Variants in PPP2R2C observed in about 807,000 individuals in gnomAD.
PPP2R2C encodes protein phosphatase 2, regulatory subunit B, gamma.
Under a neutral mutation model 45.3 loss-of-function variants are expected in PPP2R2C, and 10 were observed. The ratio of observed to expected loss-of-function variants is 0.22; its 90% confidence interval spans 0.14 to 0.37. PPP2R2C has a LOEUF of 0.37. Among genes scored for constraint, PPP2R2C ranks in the 10% least tolerant of loss-of-function variants. The pLI is 1.00. For missense variants in PPP2R2C, 308 were observed against 619.7 expected (o/e 0.50, Z 5.34); for synonymous variants, 257 against 245.4 (o/e 1.05, Z -0.44).
intron 1 of PPP2R2C, among the ~76,000 whole-genome samples, chr4:6,551,193 G>A (rs149293245): frequency 1.2e-4 from 19 of 152,304 alleles, no homozygotes; most frequent in South Asian, 4.2e-4. Flanking sequence ...TGCCTTCCAG[G>A]GGGATTGGAG....
intron 1 of PPP2R2C, among the ~76,000 whole-genome samples, chr4:6,417,653 G>A (rs974835133): frequency 3.3e-5 from 5 of 152,206 alleles, no homozygotes; most frequent in Admixed American, 6.5e-5. Flanking sequence ...GGGGGCCCCC[G>A]GGGACCCCAG....
At chr4:6,550,204 C>A (rs1473268461) in intron 1 of PPP2R2C, among the ~76,000 whole-genome samples, 1 of 152,070 alleles carries the variant, frequency 6.6e-6, no homozygotes, top group African/African-American at 2.4e-5. Flanking sequence ...TGGATGACAA[C>A]CCACCTTCTC....
chr4:6,323,307 G>C lies in PPP2R2C; in HGVS notation c.1339C>G (p.His447Asp). Residue 447 changes from histidine (H) to aspartate (D), a missense_variant, in exon 9 of 9, where the codon CAC (histidine) becomes GAC (aspartate). Transcript: ENST00000382599. ...IFQDKVNSDM[H>D] ...GGGCCGGGAACTGCACATACCTAGT[G>C]CATGTCAGAGTTTACCTTGTCCTGG... 1 of 1,599,088 alleles carries C rather than the reference G, an allele frequency of 6.3e-7. No homozygotes were observed. Among genetic ancestry groups the C allele is most frequent in the Non-Finnish European group, 8.6e-7 (1 of 1,168,128 alleles).
At chr4:6,490,925 C>T (rs193264324) in intron 2 of PPP2R2C, among the ~76,000 whole-genome samples, 1 of 152,304 alleles carries the variant, frequency 6.6e-6, no homozygotes, top group African/African-American at 2.4e-5. Flanking sequence ...GTTAAGCAAC[C>T]TCAGCCAGGT....
chr4:6,420,179 A>G (rs954136299), intron 1 of PPP2R2C, among the ~76,000 whole-genome samples: 1 of 152,156 alleles, frequency 6.6e-6, no homozygotes, highest in African/African-American at 2.4e-5. Context: ...CAACTACTCC[A>G]CATGACAGGT....
rs527669760 is a variant in PPP2R2C, at chr4:6,366,572, G to T, written c.625+5951C>A. 2.0e-5 allele frequency among the ~76,000 whole-genome samples: 3 copies of T among 152,302 alleles called. No homozygotes were observed. In the South Asian group the frequency reaches 6.2e-4, roughly 32 times the overall value. On this transcript the variant is annotated intron_variant, in intron 5 of 8. Transcript: ENST00000382599. ...AACAAAACACTCAGTGTGACCGGGG[G>T]CAGCCAAGGAGCCGCAGGCTTAGAG...
At chr4:6,410,324 G>A (rs1479576669) in intron 1 of PPP2R2C, among the ~76,000 whole-genome samples, 1 of 152,178 alleles carries the variant, frequency 6.6e-6, no homozygotes, top group Non-Finnish European at 1.5e-5. Context: ...TTAGCCCTCT[G>A]TTCCGGGTAT....
intron 2 of PPP2R2C, among the ~76,000 whole-genome samples, chr4:6,485,206 T>C (rs773619612): frequency 2.6e-5 from 4 of 151,956 alleles, no homozygotes; most frequent in Non-Finnish European, 5.9e-5. Flanking sequence ...GTAAATTACA[T>C]TGATAATTTT....
Position 6,472,216 on chromosome 4 carries a change from G to C in PPP2R2C, c.14C>G (p.Thr5Arg). MGED[T>R]DTRKINHSFL... ...GCTGTGGTTAATTTTCCGCGTGTCC[G>C]TGTCCTCGCCCATTGAAGGCCGTGC... Residue 5 changes from threonine (T) to arginine (R), a missense_variant, in exon 1 of 9, where the codon ACG becomes AGG. Physicochemically the swap from Thr to Arg is moderately conservative, Grantham distance 71. Coordinates refer to ENST00000382599, the MANE Select transcript of PPP2R2C (RefSeq NM_020416.4). 6.2e-7 allele frequency: 1 copy of C among 1,613,130 alleles called. No individual in the cohort carries two copies. Among genetic ancestry groups the C allele is most frequent in the South Asian group, 1.1e-5 (1 of 91,080 alleles).
At chr4:6,559,898 C>A (rs576302408) in intron 1 of PPP2R2C, among the ~76,000 whole-genome samples, 1 of 152,248 alleles carries the variant, frequency 6.6e-6, no homozygotes, top group African/African-American at 2.4e-5. Context: ...GCAGCCCCAA[C>A]GGACTAAGAC....
At chr4:6,558,555 T>C (rs1725486540) in intron 1 of PPP2R2C, among the ~76,000 whole-genome samples, 1 of 152,152 alleles carries the variant, frequency 6.6e-6, no homozygotes, top group Non-Finnish European at 1.5e-5. Context: ...TTCCCAATAC[T>C]CAGCCTGATC....
rs142626504 is a variant in PPP2R2C at position 6,424,036 on chromosome 4, C to T, written c.71-42942G>A. Among the ~76,000 whole-genome samples the T allele has an allele frequency of 6.9e-3, 1,047 of 152,334 alleles. 10 individuals carry two copies. The highest frequency in any genetic ancestry group is 0.023 in the African/African-American group (974 of 41,566). On this transcript the variant is annotated intron_variant, in intron 1 of 8. Transcript: ENST00000382599. ...TGCCCATGCATTCTGCCAGGGTCCC[C>T]GGCTGGAGGAAGGGCCACGGCAGAA...
At chr4:6,408,873 C>CTTTT (rs57209185) in intron 1 of PPP2R2C, among the ~76,000 whole-genome samples, 9 of 126,758 alleles carry the variant, frequency 7.1e-5, no homozygotes, top group Non-Finnish European at 6.7e-5. Flanking sequence ...GATCCTGTGG[C>CTTTT]TTTTTTTTTT....
intron 5 of PPP2R2C, among the ~76,000 whole-genome samples, chr4:6,370,020 G>T (rs1264618855): frequency 6.6e-6 from 1 of 152,218 alleles, no homozygotes; most frequent in African/African-American, 2.4e-5. Context: ...CATCCATAGT[G>T]TCACGGAATC....
chr4:6,498,078 C>G (rs191277603), intron 2 of PPP2R2C, among the ~76,000 whole-genome samples: 2 of 152,258 alleles, frequency 1.3e-5, no homozygotes, highest in African/African-American at 4.8e-5. Context: ...CAGTAAACAC[C>G]CTAGTGAAAC....
intron 3 of PPP2R2C, among the ~76,000 whole-genome samples, chr4:6,377,073 G>A (rs1419672783): frequency 6.6e-6 from 1 of 152,256 alleles, no homozygotes. Context: ...TGAGGAGGGA[G>A]TTGGCCAGGT....
chr4:6,345,336 G>A lies in PPP2R2C; in HGVS notation c.790+2510C>T, dbSNP rs6817472. Reference sequence around the variant, plus strand: ...GTGGGGGGGCAGTGTCCTGTAGTAGGCGGTGGAACGGCCCCCAGAGACGGC... The same window carrying A: ...GTGGGGGGGCAGTGTCCTGTAGTAGACGGTGGAACGGCCCCCAGAGACGGC... On this transcript the variant is annotated intron_variant, in intron 6 of 8. Coordinates refer to ENST00000382599, the MANE Select transcript of PPP2R2C (RefSeq NM_020416.4). The surrounding 1 kb of genome is among the most constrained non-coding windows in gnomAD (Gnocchi z 5.3). Among the ~76,000 whole-genome samples the A allele has an allele frequency of 9.0e-3, 1,370 of 152,302 alleles. 23 individuals carry two copies. Among genetic ancestry groups the A allele is most frequent in the African/African-American group, 0.029 (1,224 of 41,558 alleles).
chr4:6,347,403 G>C (rs932520937), intron 6 of PPP2R2C, among the ~76,000 whole-genome samples: 3 of 152,124 alleles, frequency 2.0e-5, no homozygotes, highest in African/African-American at 4.8e-5. Context: ...TACAGACCCT[G>C]CTCCAAGGAG....
At chr4:6,392,464 G>A (rs1245194271) in intron 1 of PPP2R2C, among the ~76,000 whole-genome samples, 1 of 152,150 alleles carries the variant, frequency 6.6e-6, no homozygotes. Context: ...TGTTTTAGCT[G>A]GGGAGGCCAG....
Sources: gnomAD v4.1 joint callset for allele counts (sites outside exome capture counted in the v4.1 genomes callset) on GRCh38, gnomAD v4.1.1 for gene constraint, Gnocchi (gnomAD v3.1) non-coding constraint, MANE v1.5 for transcripts, NCBI Gene and HGNC (gene_info 2026-07-23, HGNC 2026-07-21) for gene names.